Variants in ABHD12 observed in about 807,000 individuals in gnomAD.
The protein encoded by ABHD12 is abhydrolase domain containing 12, lysophospholipase.
ABHD12 carries 43 observed loss-of-function variants against 58.3 expected under a neutral mutation model. The ratio of observed to expected loss-of-function variants is 0.74; its 90% CI spans 0.58 to 0.95. The LOEUF is 0.95. ABHD12 is among the 40% of genes least tolerant of loss of function. The pLI, the probability that ABHD12 is intolerant of heterozygous loss-of-function variation, is 0.00. For missense variants in ABHD12, 539 were observed against 537.2 expected (o/e 1.00, Z -0.03); for synonymous variants, 219 against 211.2 (o/e 1.04, Z -0.32).
chr20:25,390,749 G>T lies in ABHD12; in HGVS notation c.-46C>A. 8.2e-7 allele frequency: 1 copy of T among 1,215,622 alleles called. No homozygotes were observed. Among genetic ancestry groups the T allele is most frequent in the Non-Finnish European group, 1.0e-6 (1 of 970,986 alleles). 75.3% of individuals were successfully genotyped at this position (1,215,622 alleles called of 1,614,324 possible). On this transcript the variant is annotated 5_prime_UTR_variant, in exon 1 of 13. Transcript: ENST00000339157. ...CCGCCGACGGCGCCCGCTGGCCTGC[G>T]CCGCAGTGCCGCCGCTCACAGCCGC...
intron 12 of ABHD12, 150 bp from the exon 13 acceptor site, chr20:25,301,034 C>T: frequency 1.2e-6 from 1 of 820,838 alleles, no homozygotes; most frequent in Non-Finnish European, 2.0e-6. Flanking sequence ...CCCAGAGCAG[C>T]ACTCAGTGAG....
downstream of ABHD12, chr20:25,297,816 A>T (rs999419560): frequency 5.9e-5 from 8 of 136,446 alleles, no homozygotes; most frequent in East Asian, 3.0e-3. Flanking sequence ...AGAGCACTAC[A>T]GCCTTTTATT....
chr20:25,356,577 C>T (rs2089670814), intron 1 of ABHD12, among the ~76,000 whole-genome samples: 1 of 152,256 alleles, frequency 6.6e-6, no homozygotes, highest in East Asian at 1.9e-4. Context: ...TTTCCTCCTA[C>T]TGTCCAGGGT....
intron 2 of ABHD12, among the ~76,000 whole-genome samples, chr20:25,336,070 C>T (rs903513972): frequency 2.0e-5 from 3 of 152,166 alleles, no homozygotes; most frequent in African/African-American, 7.2e-5. Context: ...TAAGAGATAC[C>T]TTCTTGATCT....
At chr20:25,297,160 T>C (rs1349389180), downstream of ABHD12, 1 of 152,828 alleles carries the variant, frequency 6.5e-6, no homozygotes, top group African/African-American at 2.4e-5. Flanking sequence ...ATGGGCATTG[T>C]GTGGGTGCTT....
rs1436950606 is a variant in ABHD12, at chr20:25,300,726, G to A, written c.*119C>T. On this transcript the variant is annotated 3_prime_UTR_variant, in exon 13 of 13. Transcript: ENST00000339157. Reference sequence around the variant, plus strand: ...GGGATCTGAGGTGCTCTCCAGGTGCGAGCTGGGCTCCTGAGCATTGCAGGT... The same window carrying A: ...GGGATCTGAGGTGCTCTCCAGGTGCAAGCTGGGCTCCTGAGCATTGCAGGT... 19 of 1,578,798 alleles carry A rather than the reference G, an allele frequency of 1.2e-5. No homozygotes were observed. Among genetic ancestry groups the A allele is most frequent in the Admixed American group, 7.3e-5 (4 of 54,996 alleles).
At chr20:25,330,852 C>A (rs1006883349) in intron 2 of ABHD12, among the ~76,000 whole-genome samples, 12 of 151,772 alleles carry the variant, frequency 7.9e-5, no homozygotes, top group African/African-American at 2.4e-4. Context: ...GATAAAACCA[C>A]AAAGATGGGG....
intron 6 of ABHD12, 104 bp from the exon 7 acceptor site, chr20:25,309,679 G>T: frequency 6.5e-7 from 1 of 1,528,978 alleles, no homozygotes. Flanking sequence ...GACAGGGAGG[G>T]GCCCGCTTGG....
At chr20:25,373,022 T>C (rs1385102429) in intron 1 of ABHD12, among the ~76,000 whole-genome samples, 1 of 152,222 alleles carries the variant, frequency 6.6e-6, no homozygotes, top group Non-Finnish European at 1.5e-5. Context: ...CACAACTGCC[T>C]ACAGGACTCA....
At chr20:25,322,381 A>ATATATATATTTTTT in intron 3 of ABHD12, among the ~76,000 whole-genome samples, 4 of 59,270 alleles carry the variant, frequency 6.7e-5, no homozygotes, top group African/African-American at 3.3e-4. Flanking sequence ...ATATATATAT[A>ATATATATATTTTTT]TTTTTTTTTT....
chr20:25,327,487 G>A (rs541246612), intron 2 of ABHD12, among the ~76,000 whole-genome samples: 1 of 151,948 alleles, frequency 6.6e-6, no homozygotes, highest in Non-Finnish European at 1.5e-5. Flanking sequence ...AAAAAGAAAG[G>A]GAGGGATTGA....
intron 2 of ABHD12, among the ~76,000 whole-genome samples, chr20:25,327,063 T>C (rs931011650): frequency 5.9e-5 from 9 of 152,230 alleles, no homozygotes; most frequent in African/African-American, 2.2e-4. Flanking sequence ...TCCTTTCACC[T>C]TGGGGTAAAC....
At chr20:25,324,834 A>G (rs1224135594) in intron 2 of ABHD12, among the ~76,000 whole-genome samples, 5 of 152,198 alleles carry the variant, frequency 3.3e-5, no homozygotes, top group African/African-American at 1.2e-4. Context: ...ATACATCTTC[A>G]AAATTTTAGT....
downstream of ABHD12, chr20:25,300,173 G>A (rs2088609440): frequency 1.0e-6 from 1 of 989,308 alleles, no homozygotes; most frequent in Non-Finnish European, 1.2e-6. Context: ...GGGCATGGAG[G>A]AGGCAACATT....
intron 11 of ABHD12, 189 bp downstream of exon 11, chr20:25,303,361 C>T: frequency 6.7e-7 from 1 of 1,491,664 alleles, no homozygotes; most frequent in South Asian, 1.3e-5. Context: ...CCTCCCATGT[C>T]CTTCCGAAGC....
chr20:25,313,358 C>T (rs1359157867), intron 6 of ABHD12, among the ~76,000 whole-genome samples: 5 of 151,982 alleles, frequency 3.3e-5, no homozygotes, highest in African/African-American at 1.2e-4. Flanking sequence ...GCAAGATGTG[C>T]TTTGTTAAAC....
In ABHD12 at chr20:25,300,471, C is replaced by A. The variant is rs2088614750; in HGVS notation, c.*374G>T. ...GACCCCACGTTCTCTGTGGGTGGTG[C>A]CAAAAAGCTCAGCATGGTCCCGAGC... is the stretch of plus-strand genomic sequence containing the variant. On this transcript the variant is annotated 3_prime_UTR_variant, in exon 13 of 13. Transcript: ENST00000339157. 3 of 1,228,824 alleles carry A rather than the reference C, an allele frequency of 2.4e-6. No individual in the cohort carries two copies. The East Asian group carries it at 1.4e-4, about 55-fold the overall frequency. The allele number at this position is 1,228,824 out of a possible 1,614,324, so 76.1% of individuals were successfully genotyped here. A position where few individuals can be genotyped will look rare whatever the true frequency, so the allele number is the denominator to read the frequency against.
chr20:25,380,440 T>C (rs754922349), intron 1 of ABHD12, among the ~76,000 whole-genome samples: 1 of 152,148 alleles, frequency 6.6e-6, no homozygotes, highest in Non-Finnish European at 1.5e-5. Context: ...TTTTTTGATA[T>C]CTAATATCAC....
intron 1 of ABHD12, among the ~76,000 whole-genome samples, chr20:25,357,076 CTA>C (rs1398585469): frequency 2.6e-5 from 4 of 152,172 alleles, no homozygotes; most frequent in Admixed American, 1.3e-4. Flanking sequence ...ACTCCAGAGA[CTA>C]TGTCTGGGGT....
Sources: gnomAD v4.1 joint callset for allele counts (sites outside exome capture counted in the v4.1 genomes callset) on GRCh38, gnomAD v4.1.1 for gene constraint, MANE v1.5 for transcripts, NCBI Gene and HGNC (gene_info 2026-07-23, HGNC 2026-07-21) for gene names.